NFATC2: variants seen among roughly 807,000 people sequenced by gnomAD.
NFATC2 encodes nuclear factor of activated T cells 2, also known as nuclear factor of activated T-cells, cytoplasmic 2.
Under a neutral mutation model 87.3 loss-of-function variants are expected in NFATC2, and 22 were observed. That is an observed-to-expected ratio of 0.25 (90% CI 0.18 to 0.36). NFATC2 has a LOEUF of 0.36. Ranked by LOEUF, NFATC2 falls within the 10% of genes least tolerant of loss-of-function variation. The pLI is 1.00. For missense variants in NFATC2, 1,149 were observed against 1,259.1 expected, an observed-to-expected ratio of 0.91 and a Z score of 1.32; for synonymous variants, 565 against 542.2, an observed-to-expected ratio of 1.04 and a Z score of -0.58.
rs569043246 is a variant in NFATC2, at chr20:51,450,436, G to A, written c.1849+4112C>T. On this transcript the variant is annotated intron_variant, in intron 6 of 10. Transcript: ENST00000371564. ...AGGCTGAGGCAGGAAGGTCACTGGA[G>A]TTCACTATGTTGAACTCACTATGTT... is the stretch of plus-strand genomic sequence containing the variant. Among the ~76,000 whole-genome samples, 4 of 152,298 alleles carry A rather than the reference G, an allele frequency of 2.6e-5. No homozygotes were observed. The South Asian group carries it at 6.2e-4, about 24-fold the overall frequency.
At chr20:51,475,105 A>G (rs796456936) in intron 4 of NFATC2, among the ~76,000 whole-genome samples, 1 of 151,536 alleles carries the variant, frequency 6.6e-6, no homozygotes, top group South Asian at 2.1e-4. Flanking sequence ...AGTATCTGGG[A>G]TTACAGGCGC....
intron 3 of NFATC2, among the ~76,000 whole-genome samples, chr20:51,486,220 A>G (rs1047858107): frequency 2.0e-5 from 3 of 152,040 alleles, no homozygotes; most frequent in East Asian, 1.9e-4. Flanking sequence ...CAAACAAAAA[A>G]AAGAAGAAGA....
chr20:51,432,605 G>A lies in NFATC2; in HGVS notation c.2184C>T (p.Cys728=), dbSNP rs2146341526. Residue 728 remains cysteine, a synonymous_variant, in exon 9 of 11, where the codon TGC becomes TGT. Transcript: ENST00000371564. This position sits in a 1 kb window ranked among gnomAD's most constrained non-coding sequence, Gnocchi z 4.6. The part of the protein sequence containing the change: ...PSCLVATMAP[C]QQFRTGLSSP... ...ATGAGAGCCCCGTGCGGAACTGCTG[G>A]CAGGGAGCCATGGTGGCCACGAGGC... 6.5e-7 allele frequency: 1 copy of A among 1,529,934 alleles called. No individual in the cohort carries two copies. Among genetic ancestry groups the A allele is most frequent in the Non-Finnish European group, 8.8e-7 (1 of 1,139,448 alleles). The allele number at this position is 1,529,934 out of a possible 1,614,324, so 94.8% of individuals were successfully genotyped here.
upstream of NFATC2, among the ~76,000 whole-genome samples, chr20:51,545,423 C>T (rs540426721): frequency 7.9e-4 from 120 of 152,334 alleles, no homozygotes; most frequent in Non-Finnish European, 1.5e-3. Flanking sequence ...ACCCAGACTG[C>T]GCCAATCAGA....
At chr20:51,477,533 G>GTGTGTATATATATATATATATATATA (rs1203933981) in intron 3 of NFATC2, among the ~76,000 whole-genome samples, 1 of 68,550 alleles carries the variant, frequency 1.5e-5, no homozygotes, top group Admixed American at 1.9e-4. Context: ...GTGTGTGTGT[G>GTGTGTATATATATATATATATATATA]TCTATATATA....
At chr20:51,474,200 A>G in intron 4 of NFATC2, 48 bp from the exon 5 acceptor site, 1 of 1,597,086 alleles carries the variant, frequency 6.3e-7, no homozygotes, top group Non-Finnish European at 8.6e-7. Context: ...CTTCAGGAGC[A>G]GGAAAGATCA....
upstream of NFATC2, chr20:51,562,815 A>C (rs1251407272): frequency 1.8e-6 from 1 of 557,858 alleles, no homozygotes; most frequent in Non-Finnish European, 3.2e-6. This position sits in a 1 kb window ranked among gnomAD's most constrained non-coding sequence, Gnocchi z 5.8. Flanking sequence ...CGGCTCCGCG[A>C]TCCGGCTTAC....
At chr20:51,411,583 A>G (rs2146273185) in intron 9 of NFATC2, among the ~76,000 whole-genome samples, 1 of 129,316 alleles carries the variant, frequency 7.7e-6, no homozygotes, top group Middle Eastern at 5.6e-3. Flanking sequence ...GCTCGTGTGC[A>G]GTAGCACAGT....
chr20:51,542,752 G>A (rs986190607), upstream of NFATC2: 55 of 598,144 alleles, frequency 9.2e-5, no homozygotes, highest in Non-Finnish European at 1.0e-4. Flanking sequence ...GGGGAGGCGG[G>A]GGGGGGGGGG....
intron 6 of NFATC2, among the ~76,000 whole-genome samples, chr20:51,448,895 T>G (rs1200750468): frequency 5.9e-5 from 9 of 152,352 alleles, no homozygotes; most frequent in African/African-American, 1.9e-4. Flanking sequence ...ATTATTATTA[T>G]TGCTGCTATA....
chr20:51,402,851 CT>C (rs1455626003), intron 9 of NFATC2, among the ~76,000 whole-genome samples: 1 of 152,210 alleles, frequency 6.6e-6, no homozygotes, highest in African/African-American at 2.4e-5. Flanking sequence ...GGCAAAACCC[CT>C]GGCCTGGCTT....
chr20:51,421,900 A>C (rs945722746), intron 9 of NFATC2, among the ~76,000 whole-genome samples: 4 of 151,430 alleles, frequency 2.6e-5, no homozygotes, highest in African/African-American at 9.8e-5. Context: ...TGCTTTCATC[A>C]AGTTTGGGTC....
At chr20:51,557,826 T>C (rs940023470) in intron 1 of NFATC2, among the ~76,000 whole-genome samples, 5 of 152,320 alleles carry the variant, frequency 3.3e-5, no homozygotes. Flanking sequence ...GGCACTCTCC[T>C]AGCACTGAAG....
At chr20:51,541,709 G>GT (rs2076819940) in intron 1 of NFATC2, among the ~76,000 whole-genome samples, 2 of 152,146 alleles carry the variant, frequency 1.3e-5, no homozygotes, top group African/African-American at 2.4e-5. Context: ...CTTGTGAGTG[G>GT]TAAGTGATGG....
intron 9 of NFATC2, among the ~76,000 whole-genome samples, chr20:51,426,849 C>T (rs562564416): frequency 8.3e-5 from 12 of 144,868 alleles, no homozygotes; most frequent in African/African-American, 2.7e-4. Context: ...GTGGGTGGCC[C>T]GCTTGTGAAA....
chr20:51,515,171 C>CTGCTT (rs2076331988), intron 3 of NFATC2, among the ~76,000 whole-genome samples: 6 of 152,192 alleles, frequency 3.9e-5, no homozygotes, highest in Admixed American at 3.3e-4. Flanking sequence ...CTGGGGGAAA[C>CTGCTT]CCTCAACTCT....
At chr20:51,514,306 TTC>T (rs1349345580) in intron 3 of NFATC2, among the ~76,000 whole-genome samples, 1 of 152,204 alleles carries the variant, frequency 6.6e-6, no homozygotes, top group Non-Finnish European at 1.5e-5. Flanking sequence ...TGGATACAGA[TTC>T]TCTCTCCTTA....
intron 5 of NFATC2, among the ~76,000 whole-genome samples, chr20:51,455,643 G>C (rs934347967): frequency 7.6e-6 from 1 of 131,004 alleles, no homozygotes; most frequent in South Asian, 2.7e-4. Flanking sequence ...GAGGGGCTTC[G>C]CTTTGTGTAC....
Position 51,562,457 on chromosome 20 carries a change from C to T in NFATC2, c.70+103G>A. On this transcript the variant is annotated intron_variant, in intron 1 of 10. Transcript: ENST00000414705. The surrounding 1 kb of genome is among the most constrained non-coding windows in gnomAD (Gnocchi z 5.8). ...GAGCGGGGTCCCCAGGCCTCCCGCACCGACCTCTGCCGGGAGCTGAAAGTG... is the reference window on the plus strand; with the variant it reads ...GAGCGGGGTCCCCAGGCCTCCCGCATCGACCTCTGCCGGGAGCTGAAAGTG... 9.1e-7 allele frequency: 1 copy of T among 1,102,618 alleles called. No homozygotes were observed. The highest frequency in any genetic ancestry group is 1.3e-6 in the Non-Finnish European group (1 of 759,888). The allele number at this position is 1,102,618 out of a possible 1,614,324, so 68.3% of individuals were successfully genotyped here. A position where few individuals can be genotyped will look rare whatever the true frequency, so the allele number is the denominator to read the frequency against.
Sources: gnomAD v4.1 joint callset for allele counts (sites outside exome capture counted in the v4.1 genomes callset) on GRCh38, gnomAD v4.1.1 for gene constraint, Gnocchi (gnomAD v3.1) non-coding constraint, MANE v1.5 for transcripts, NCBI Gene and HGNC (gene_info 2026-07-23, HGNC 2026-07-21) for gene names.